IREB2: variants seen among roughly 807,000 people sequenced by gnomAD.
IREB2 encodes iron-responsive element-binding protein 2.
In IREB2, 39 loss-of-function variants were observed where a neutral mutation model predicts 118.8. The ratio of observed to expected loss-of-function variants is 0.33; its 90% CI spans 0.25 to 0.43. IREB2 has a LOEUF of 0.43. Ranked by LOEUF, IREB2 falls within the 20% of genes least tolerant of loss-of-function variation. The probability of loss-of-function intolerance (pLI) is 1.00; values close to 1 mark genes in which losing one functional copy is unlikely to be tolerated. For synonymous variants in IREB2, 372 were observed against 392.2 expected, an observed-to-expected ratio of 0.95 and a Z score of 0.61; for missense variants, 900 against 1,147.3, an observed-to-expected ratio of 0.78 and a Z score of 3.11.
rs999225027 is a variant in IREB2 at position 78,438,302 on chromosome 15, G to C, written c.-36G>C. On this transcript the variant is annotated 5_prime_UTR_variant, in exon 1 of 22. Transcript: ENST00000258886. ...CCGGCCTCCCCCTTCTTCCCCCGCT[G>C]GCCCCCTCCCCGGAGGGATAATATG... 2.6e-6 allele frequency: 4 copies of C among 1,565,706 alleles called. No homozygotes were observed. The highest frequency in any genetic ancestry group is 1.9e-5 in the Admixed American group (1 of 53,144).
chr15:78,487,261 T>C (rs1375505422), intron 13 of IREB2, among the ~76,000 whole-genome samples: 1 of 152,162 alleles, frequency 6.6e-6, no homozygotes, highest in Non-Finnish European at 1.5e-5. Flanking sequence ...TTTTAAACTC[T>C]TGGATGGAAG....
At chr15:78,484,992 T>A in intron 12 of IREB2, 72 bp downstream of exon 12, 1 of 1,428,410 alleles carries the variant, frequency 7.0e-7, no homozygotes, top group Non-Finnish European at 9.7e-7. Context: ...ATTGTAACTT[T>A]GTTTCTTAGA....
In IREB2 at chr15:78,499,860, G is replaced by A. The variant is rs1006850934; in HGVS notation, c.*1717G>A. 19 of 152,302 alleles carry A rather than the reference G, an allele frequency of 1.2e-4. No homozygotes were observed. Among genetic ancestry groups the A allele is most frequent in the Middle Eastern group, 3.4e-3 (1 of 294 alleles). The allele number at this position is 152,302 out of a possible 1,614,324, so 9.4% of individuals were successfully genotyped here. ...GGGGGAAACAAATCTATTTTGTTTTGTTTTGTTTTTTGAGACGGAGTCTTG... is the reference window on the plus strand; with the variant it reads ...GGGGGAAACAAATCTATTTTGTTTTATTTTGTTTTTTGAGACGGAGTCTTG... On this transcript the variant is annotated 3_prime_UTR_variant, in exon 22 of 22. Transcript: ENST00000258886.
rs1596022148 is a variant in IREB2 at position 78,501,084 on chromosome 15, A to G, written c.*2941A>G. The G allele has an allele frequency of 6.6e-6, 1 of 152,190 alleles. No homozygotes were observed. Among genetic ancestry groups the G allele is most frequent in the African/African-American group, 2.4e-5 (1 of 41,438 alleles). The allele number at this position is 152,190 out of a possible 1,614,324, so 9.4% of individuals were successfully genotyped here. On this transcript the variant is annotated 3_prime_UTR_variant, in exon 22 of 22. Coordinates refer to ENST00000258886, the MANE Select transcript of IREB2 (RefSeq NM_004136.4). The stretch of plus-strand genomic sequence containing the variant: ...TAGGTTTAGGAGGAGATACTAAGAT[A>G]CTGGATGTTTATCCTATCTTAGTTT...
chr15:78,437,537 A>G (rs569558596), upstream of IREB2: 3 of 152,836 alleles, frequency 2.0e-5, no homozygotes, highest in Admixed American at 2.0e-4. Flanking sequence ...CTGGAAGAGG[A>G]TAAGAAGTGG....
At chr15:78,460,148 A>G (rs1030143409) in intron 2 of IREB2, among the ~76,000 whole-genome samples, 2 of 152,256 alleles carry the variant, frequency 1.3e-5, no homozygotes, top group African/African-American at 4.8e-5. Flanking sequence ...CGCCATCCAC[A>G]TAAATCCTAA....
At chr15:78,456,480 T>C (rs1031259096) in intron 2 of IREB2, among the ~76,000 whole-genome samples, 2 of 151,658 alleles carry the variant, frequency 1.3e-5, no homozygotes, top group African/African-American at 4.8e-5. Flanking sequence ...CTGGGCAACA[T>C]GGCGAAACCC....
intron 2 of IREB2, among the ~76,000 whole-genome samples, chr15:78,453,089 A>G (rs750253537): frequency 1.3e-4 from 20 of 152,240 alleles, no homozygotes; most frequent in Non-Finnish European, 2.4e-4. Flanking sequence ...GCAAGACGCT[A>G]TCGTGTATTT....
chr15:78,451,896 T>G (rs2051032551), intron 2 of IREB2, among the ~76,000 whole-genome samples: 1 of 151,946 alleles, frequency 6.6e-6, no homozygotes, highest in African/African-American at 2.4e-5. Context: ...CTCCTGACCT[T>G]AGGTGATCCA....
intron 2 of IREB2, among the ~76,000 whole-genome samples, chr15:78,462,038 T>A (rs984304138): frequency 6.6e-6 from 1 of 152,176 alleles, no homozygotes; most frequent in Non-Finnish European, 1.5e-5. Context: ...AAAATTATAT[T>A]TCTCATAATA....
At chr15:78,438,538 G>T in intron 1 of IREB2, 182 bp downstream of exon 1, 1 of 657,466 alleles carries the variant, frequency 1.5e-6, no homozygotes, top group Non-Finnish European at 2.7e-6. Flanking sequence ...CGGAAGCTGG[G>T]GCTCCCGATC....
intron 10 of IREB2, among the ~76,000 whole-genome samples, chr15:78,479,043 C>G (rs986694175): frequency 6.6e-6 from 1 of 152,174 alleles, no homozygotes; most frequent in African/African-American, 2.4e-5. Context: ...CTCAAGCTCC[C>G]ACCTTGCTGG....
rs35092289 is a variant in IREB2 at position 78,450,824 on chromosome 15, T to TTGTGTG, written c.106+10987_106+10992dup. ...GAGGGCTGTGGTGATATTAACAAAT[T>TTGTGTG]TGTGTGTGTGTGTGTGTGTGTGTGT... On this transcript the variant is annotated intron_variant, in intron 2 of 21. Transcript: ENST00000258886. 8.2e-3 allele frequency among the ~76,000 whole-genome samples: 1,101 copies of TTGTGTG among 134,094 alleles called. 5 individuals are homozygous for TTGTGTG. Among genetic ancestry groups the TTGTGTG allele is most frequent in the African/African-American group, 0.016 (579 of 35,572 alleles). The allele number at this position is 134,094 out of a possible 152,430, so 88.0% of individuals were successfully genotyped here.
chr15:78,494,370 G>C, intron 20 of IREB2, 106 bp downstream of exon 20: 1 of 1,139,336 alleles, frequency 8.8e-7, no homozygotes, highest in Non-Finnish European at 1.3e-6. Context: ...ATAGTTATTT[G>C]AACCTTATAG....
At chr15:78,451,400 A>T (rs2051023232) in intron 2 of IREB2, among the ~76,000 whole-genome samples, 2 of 152,126 alleles carry the variant, frequency 1.3e-5, no homozygotes, top group African/African-American at 4.8e-5. Flanking sequence ...ATCATACAAG[A>T]GTTTTTCTGC....
intron 2 of IREB2, among the ~76,000 whole-genome samples, chr15:78,449,701 T>C (rs1452637593): frequency 6.6e-6 from 1 of 152,252 alleles, no homozygotes; most frequent in Non-Finnish European, 1.5e-5. Context: ...TTTCTAATCT[T>C]TGCAGCAGCT....
chr15:78,478,019 C>T (rs1473045836), intron 9 of IREB2, among the ~76,000 whole-genome samples: 5 of 150,484 alleles, frequency 3.3e-5, no homozygotes, highest in African/African-American at 9.8e-5. Flanking sequence ...GCTGAGAGTT[C>T]GAAACCAACC....
intron 5 of IREB2, among the ~76,000 whole-genome samples, chr15:78,467,584 G>A (rs778668188): frequency 3.3e-5 from 5 of 151,686 alleles, no homozygotes; most frequent in Non-Finnish European, 5.9e-5. Context: ...CCAGATACTT[G>A]GGTGGCTGAG....
At chr15:78,467,511 G>A (rs761114878) in intron 5 of IREB2, among the ~76,000 whole-genome samples, 72 of 152,278 alleles carry the variant, frequency 4.7e-4, no homozygotes, top group Non-Finnish European at 6.0e-4. Context: ...GGCAAACATG[G>A]CGAAACCCCA....
Sources: gnomAD v4.1 joint callset for allele counts (sites outside exome capture counted in the v4.1 genomes callset) on GRCh38, gnomAD v4.1.1 for gene constraint, MANE v1.5 for transcripts, NCBI Gene and HGNC (gene_info 2026-07-23, HGNC 2026-07-21) for gene names.